HADH: variants seen among roughly 807,000 people sequenced by gnomAD.
HADH encodes hydroxyacyl-CoA dehydrogenase.
Under a neutral mutation model 32.2 loss-of-function variants are expected in HADH, and 24 were observed. The observed-to-expected ratio is 0.75, with a 90% CI of 0.54 to 1.05. The LOEUF is 1.05. Among genes scored for constraint, HADH ranks in the 50% least tolerant of loss-of-function variants. The pLI is 0.00. For synonymous variants in HADH, 139 were observed against 152.5 expected, an observed-to-expected ratio of 0.91 and a Z score of 0.65; for missense variants, 350 against 397.1, an observed-to-expected ratio of 0.88 and a Z score of 1.01.
chr4:107,991,290 T>C (rs1734796523), intron 1 of HADH, among the ~76,000 whole-genome samples: 1 of 152,210 alleles, frequency 6.6e-6, no homozygotes. Flanking sequence ...AGTCATCTAA[T>C]TTTTCTTGGG....
At chr4:108,000,198 A>G (rs1735078867) in intron 1 of HADH, among the ~76,000 whole-genome samples, 1 of 152,222 alleles carries the variant, frequency 6.6e-6, no homozygotes, top group South Asian at 2.1e-4. Context: ...AAGAGAAGAT[A>G]AGTGTTTAGG....
chr4:108,016,284 G>C (rs940657017), intron 3 of HADH, among the ~76,000 whole-genome samples: 2 of 152,174 alleles, frequency 1.3e-5, no homozygotes, highest in African/African-American at 4.8e-5. Context: ...GGCACTTCCG[G>C]TGGGCAGTGG....
intron 6 of HADH, chr4:108,030,718 T>G (rs10488943): frequency 0.86 from 131,019 of 152,182 alleles, 57,426 homozygotes; most frequent in East Asian, 0.97. Flanking sequence ...AGAATTTGGG[T>G]TATATGTGCA....
At chr4:107,997,284 G>A (rs755696498) in intron 1 of HADH, among the ~76,000 whole-genome samples, 4 of 152,142 alleles carry the variant, frequency 2.6e-5, no homozygotes, top group African/African-American at 4.8e-5. Context: ...GGATGAAAAC[G>A]GTGGCCCTCC....
chr4:108,012,061 A>T (rs1016942930), intron 2 of HADH, among the ~76,000 whole-genome samples: 4 of 150,530 alleles, frequency 2.7e-5, no homozygotes, highest in African/African-American at 7.3e-5. Context: ...CCAGCTAATT[A>T]AAAAAAAAAT....
chr4:108,017,308 A>G (rs1280876579), intron 3 of HADH, among the ~76,000 whole-genome samples: 2 of 152,190 alleles, frequency 1.3e-5, no homozygotes, highest in Non-Finnish European at 2.9e-5. Context: ...ACGCACAGGC[A>G]GCCAGATCGA....
In HADH at chr4:108,034,133, G is replaced by A; in HGVS notation, c.827-106G>A. The A allele has an allele frequency of 3.7e-6, 3 of 819,496 alleles. No homozygotes were observed. In the South Asian group the frequency reaches 4.0e-5, roughly 11 times the overall value. 50.8% of individuals were successfully genotyped at this position (819,496 alleles called of 1,614,324 possible). ...GGCCGGAGGGGCGCCATGCCTGGGGGGCTCTCCCACATCAGAGGCAGGCCT... is the reference window on the plus strand; with the variant it reads ...GGCCGGAGGGGCGCCATGCCTGGGGAGCTCTCCCACATCAGAGGCAGGCCT... On this transcript the variant is annotated intron_variant, in intron 7 of 7. Transcript: ENST00000309522.
intron 1 of HADH, 125 bp downstream of exon 1, chr4:107,990,189 C>A: frequency 1.0e-6 from 1 of 984,142 alleles, no homozygotes; most frequent in Non-Finnish European, 1.5e-6. Context: ...CCCCGCGCCT[C>A]CCGGGTGTAG....
At chr4:108,014,654 T>C (rs1735631951) in intron 3 of HADH, 66 bp downstream of exon 3, 1 of 1,439,466 alleles carries the variant, frequency 6.9e-7, no homozygotes, top group African/African-American at 1.4e-5. Flanking sequence ...TTCATTTTTA[T>C]TTTTTGTTTT....
intron 2 of HADH, among the ~76,000 whole-genome samples, chr4:108,013,579 C>T (rs1276885850): frequency 6.6e-6 from 1 of 152,194 alleles, no homozygotes; most frequent in African/African-American, 2.4e-5. Flanking sequence ...AGTTGACATA[C>T]TATGCTTATC....
At chr4:108,009,954 G>A (rs1735429969) in intron 2 of HADH, 67 bp downstream of exon 2, 1 of 1,097,250 alleles carries the variant, frequency 9.1e-7, no homozygotes, top group Non-Finnish European at 1.4e-6. Context: ...AGGGCAATGG[G>A]GGATTTCTGG....
Position 107,997,011 on chromosome 4 carries a change from G to A in HADH, c.132+6947G>A, listed in dbSNP as rs144021628. ...GAAGACAACTTGTGCTGATGGCAGA[G>A]TTCAAGACATTACACAACCAGAGAC... On this transcript the variant is annotated intron_variant, in intron 1 of 7. Coordinates refer to ENST00000309522, the MANE Select transcript of HADH (RefSeq NM_005327.7). Among the ~76,000 whole-genome samples, 171 of 152,272 alleles carry A rather than the reference G, an allele frequency of 1.1e-3. 4 individuals carry two copies. Among genetic ancestry groups the A allele is most frequent in the Admixed American group, 9.5e-3 (145 of 15,302 alleles).
At chr4:108,015,540 T>A (rs149955348) in intron 3 of HADH, among the ~76,000 whole-genome samples, 1 of 152,306 alleles carries the variant, frequency 6.6e-6, no homozygotes, top group African/African-American at 2.4e-5. Context: ...CAGGAAGGGA[T>A]CCTTTGACCA....
At position 108,034,979 on chromosome 4, in the gene HADH, C is replaced by T. The variant is rs141570637; in HGVS notation, c.*622C>T. 2.5e-5 allele frequency: 4 copies of T among 160,384 alleles called. No homozygotes were observed. Among genetic ancestry groups the T allele is most frequent in the African/African-American group, 9.6e-5 (4 of 41,666 alleles). The allele number at this position is 160,384 out of a possible 1,614,324, so 9.9% of individuals were successfully genotyped here. On this transcript the variant is annotated 3_prime_UTR_variant, in exon 8 of 8. Coordinates refer to ENST00000309522, the MANE Select transcript of HADH (RefSeq NM_005327.7). ...GGTCGGTTTTCATGGTCATTCAGTT[C>T]CACAGATCTGAATGATTACTGTCTG...
At chr4:107,990,874 C>T (rs895961669) in intron 1 of HADH, among the ~76,000 whole-genome samples, 8 of 151,820 alleles carry the variant, frequency 5.3e-5, no homozygotes, top group Non-Finnish European at 7.4e-5. Flanking sequence ...CTCAGCCTCC[C>T]GAGTAGCTGG....
At chr4:108,014,358 G>A in intron 2 of HADH, 73 bp from the exon 3 acceptor site, 2 of 1,562,542 alleles carry the variant, frequency 1.3e-6, no homozygotes, top group Non-Finnish European at 1.8e-6. Flanking sequence ...GCTAACTGGA[G>A]CAGAGCTAAG....
At chr4:108,023,367 C>G in intron 4 of HADH, 107 bp from the exon 5 acceptor site, 1 of 740,568 alleles carries the variant, frequency 1.4e-6, no homozygotes, top group South Asian at 1.5e-5. Context: ...GAAACTCAAA[C>G]TATTTTTGTT....
At chr4:108,003,264 TG>T (rs754540535) in intron 1 of HADH, among the ~76,000 whole-genome samples, 1 of 152,168 alleles carries the variant, frequency 6.6e-6, no homozygotes, top group East Asian at 1.9e-4. Context: ...TGTGTCTTGC[TG>T]GGGGAAGAAG....
At chr4:107,993,388 G>A (rs959633541) in intron 1 of HADH, among the ~76,000 whole-genome samples, 8 of 152,122 alleles carry the variant, frequency 5.3e-5, no homozygotes, top group African/African-American at 1.9e-4. Flanking sequence ...TTAAACTTTA[G>A]TAAAGCCATA....
Sources: gnomAD v4.1 joint callset for allele counts (sites outside exome capture counted in the v4.1 genomes callset) on GRCh38, gnomAD v4.1.1 for gene constraint, MANE v1.5 for transcripts, NCBI Gene and HGNC (gene_info 2026-07-23, HGNC 2026-07-21) for gene names.